Variants in POU2F1 observed in about 807,000 individuals in gnomAD.
POU2F1 encodes the protein POU class 2 homeobox 1.
In POU2F1, 16 loss-of-function variants were observed where a neutral mutation model predicts 84.9. That is an observed-to-expected ratio of 0.19 (90% CI 0.13 to 0.29). The LOEUF is 0.29. Ranked by LOEUF, POU2F1 falls within the 10% of genes least tolerant of loss-of-function variation. The pLI, the probability that POU2F1 is intolerant of heterozygous loss-of-function variation, is 1.00. For missense variants in POU2F1, 738 were observed against 942.6 expected, an observed-to-expected ratio of 0.78 and a Z score of 2.84; for synonymous variants, 368 against 368.3, an observed-to-expected ratio of 1.00 and a Z score of 0.01.
chr1:167,411,627 T>C (rs1414706003), intron 13 of POU2F1, among the ~76,000 whole-genome samples: 1 of 152,200 alleles, frequency 6.6e-6, no homozygotes, highest in Non-Finnish European at 1.5e-5. Flanking sequence ...GAAGTTTTTC[T>C]TCTTTTGCTT....
chr1:167,238,300 T>C (rs761476148), intron 1 of POU2F1, among the ~76,000 whole-genome samples: 1 of 152,188 alleles, frequency 6.6e-6, no homozygotes, highest in Non-Finnish European at 1.5e-5. Context: ...AAATCTAATA[T>C]TTATTTCCGG....
intron 2 of POU2F1, among the ~76,000 whole-genome samples, chr1:167,353,967 C>T (rs1414291611): frequency 1.3e-5 from 2 of 152,190 alleles, no homozygotes; most frequent in African/African-American, 4.8e-5. Flanking sequence ...ACATATTTAT[C>T]CTCAAATAAC....
chr1:167,384,292 C>T (rs60603012), intron 8 of POU2F1, among the ~76,000 whole-genome samples: 5 of 152,040 alleles, frequency 3.3e-5, no homozygotes, highest in Admixed American at 6.6e-5. Context: ...TCCATTGTTA[C>T]CCTTTACCCT....
chr1:167,288,251 A>G (rs1653670872), intron 1 of POU2F1, among the ~76,000 whole-genome samples: 1 of 149,808 alleles, frequency 6.7e-6, no homozygotes, highest in Non-Finnish European at 1.5e-5. Context: ...ATGCTTGGCT[A>G]ACAGATATAT....
At chr1:167,323,395 G>A (rs1262831843) in intron 1 of POU2F1, among the ~76,000 whole-genome samples, 1 of 152,184 alleles carries the variant, frequency 6.6e-6, no homozygotes, top group African/African-American at 2.4e-5. Context: ...AACAGTAGAT[G>A]AGCTATGTAT....
rs542400332 is a variant in POU2F1, at chr1:167,372,048, C to G, written c.402+12C>G. On this transcript the variant is annotated intron_variant, in intron 5 of 15. Transcript: ENST00000367866. ...GACAGATAACTGGGGTAAGTGTTCA[C>G]TGAGAGAATTATAACAAACTTTTTC... 2 of 1,604,658 alleles carry G rather than the reference C, an allele frequency of 1.2e-6. No individual in the cohort carries two copies. Among genetic ancestry groups the G allele is most frequent in the Non-Finnish European group, 1.7e-6 (2 of 1,175,956 alleles).
At position 167,420,069 on chromosome 1, in the gene POU2F1, A is replaced by AC. The variant is rs1427128665; in HGVS notation, c.*4260dup. 5.3e-5 allele frequency: 8 copies of AC among 152,172 alleles called. No homozygotes were observed. Among genetic ancestry groups the AC allele is most frequent in the African/African-American group, 1.7e-4 (7 of 41,426 alleles). The allele number at this position is 152,172 out of a possible 1,614,324, so 9.4% of individuals were successfully genotyped here. A position where few individuals can be genotyped will look rare whatever the true frequency, so the allele number is the denominator to read the frequency against. ...ATCCAGAAGCACAGATATTTGCTTG[A>AC]CACAATATTTAAATTCAGCCCAATC... On this transcript the variant is annotated 3_prime_UTR_variant, in exon 16 of 16. Coordinates refer to ENST00000367866, the MANE Select transcript of POU2F1 (RefSeq NM_002697.4).
chr1:167,252,875 C>T (rs926113564), intron 1 of POU2F1, among the ~76,000 whole-genome samples: 1 of 152,162 alleles, frequency 6.6e-6, no homozygotes, highest in Admixed American at 6.5e-5. Flanking sequence ...AAACATGTAT[C>T]CCTCTAAGGT....
At chr1:167,390,202 G>A (rs979131982) in intron 9 of POU2F1, among the ~76,000 whole-genome samples, 2 of 152,150 alleles carry the variant, frequency 1.3e-5, no homozygotes, top group African/African-American at 4.8e-5. Flanking sequence ...CCTCAGCCAT[G>A]TTGTTTTTTG....
chr1:167,399,318 A>G lies in POU2F1; in HGVS notation c.1402A>G (p.Thr468Ala). The G allele has an allele frequency of 6.2e-7, 1 of 1,614,070 alleles. No individual in the cohort carries two copies. The highest frequency in any genetic ancestry group is 8.5e-7 in the Non-Finnish European group (1 of 1,179,954). Residue 468 changes from threonine to alanine, a missense_variant, in exon 12 of 16, where the codon ACC (threonine) becomes GCC (alanine). Coordinates refer to ENST00000367866, the MANE Select transcript of POU2F1 (RefSeq NM_002697.4). ...KRINPPSSGG[T>A]SSSPIKAIFP... is the part of the protein sequence containing the mutation. ...AATCAACCCACCAAGCAGTGGTGGGACCAGCAGCTCACCTATTAAAGCAAT... is the reference window on the plus strand; with the variant it reads ...AATCAACCCACCAAGCAGTGGTGGGGCCAGCAGCTCACCTATTAAAGCAAT...
At chr1:167,262,612 G>T (rs1651655769) in intron 1 of POU2F1, among the ~76,000 whole-genome samples, 1 of 152,150 alleles carries the variant, frequency 6.6e-6, no homozygotes, top group South Asian at 2.1e-4. Flanking sequence ...ATTTAATTGA[G>T]GAGATCAAAC....
At chr1:167,341,766 A>G (rs2101757109) in intron 2 of POU2F1, among the ~76,000 whole-genome samples, 1 of 152,264 alleles carries the variant, frequency 6.6e-6, no homozygotes, top group East Asian at 1.9e-4. Flanking sequence ...TCCTCTTGGT[A>G]CCCAAGTCCT....
intron 2 of POU2F1, among the ~76,000 whole-genome samples, chr1:167,345,212 T>C (rs1403232081): frequency 6.6e-6 from 1 of 152,066 alleles, no homozygotes; most frequent in Non-Finnish European, 1.5e-5. Context: ...AGGGATCCAT[T>C]TTTGAGGAGA....
intron 2 of POU2F1, among the ~76,000 whole-genome samples, chr1:167,347,830 T>C (rs946727385): frequency 7.9e-5 from 12 of 152,344 alleles, no homozygotes; most frequent in Middle Eastern, 3.4e-3. Flanking sequence ...TATAATGTTT[T>C]CAAGGTTCAT....
Position 167,332,487 on chromosome 1 carries a change from C to A in POU2F1, c.79C>A (p.Pro27Thr). 6.2e-7 allele frequency: 1 copy of A among 1,610,060 alleles called. No homozygotes were observed. The highest frequency in any genetic ancestry group is 8.5e-7 in the Non-Finnish European group (1 of 1,176,486). The change falls in exon 2 of 16, where the codon CCG becomes ACG. Residue 27 changes from proline to threonine, a missense_variant. Physicochemically the swap from Pro to Thr is conservative, Grantham distance 38. Around this residue, in one of 4 missense-constraint regions of POU2F1, gnomAD observed 161 missense variants for 147.0 expected, o/e 1.10. Coordinates refer to ENST00000367866, the MANE Select transcript of POU2F1 (RefSeq NM_002697.4). ...AAAADSRMNN[P>T]SETSKPSMES... ...TATTGCAGACTCAAGAATGAACAAT[C>A]CGTCAGAAACCAGTAAACCATCTAT...
At chr1:167,366,019 A>G (rs763253675) in intron 3 of POU2F1, among the ~76,000 whole-genome samples, 1 of 151,836 alleles carries the variant, frequency 6.6e-6, no homozygotes, top group East Asian at 1.9e-4. Context: ...CTTGACTGTG[A>G]CCCCCGCACC....
intron 2 of POU2F1, among the ~76,000 whole-genome samples, chr1:167,339,333 G>T (rs996464376): frequency 7.9e-5 from 12 of 152,224 alleles, no homozygotes; most frequent in Admixed American, 7.2e-4. Context: ...CAGGAATTAG[G>T]ATGATTATTA....
In POU2F1 at chr1:167,317,762, A is replaced by G. The variant is rs531686018; in HGVS notation, c.62-14708A>G. Among the ~76,000 whole-genome samples the G allele has an allele frequency of 3.3e-5, 5 of 152,310 alleles. No individual in the cohort carries two copies. The South Asian group carries it at 6.2e-4, about 19-fold the overall frequency. On this transcript the variant is annotated intron_variant, in intron 1 of 15. Transcript: ENST00000367866. ...CAGCATTGGCATCATAGCCATCACA[A>G]GCATGTCACAGTGCTGCAGAGATTT...
At chr1:167,376,265 T>A in intron 7 of POU2F1, 110 bp downstream of exon 7, 2 of 1,197,696 alleles carry the variant, frequency 1.7e-6, no homozygotes, top group Non-Finnish European at 2.2e-6. Context: ...CCAATGTTTT[T>A]ATTAAATTTT....
Sources: allele counts gnomAD v4.1 joint callset (sites outside exome capture counted in the v4.1 genomes callset), GRCh38; gene constraint gnomAD v4.1.1; regional missense constraint gnomAD v4.1.1; transcripts MANE v1.5; gene names NCBI Gene and HGNC (gene_info 2026-07-23, HGNC 2026-07-21).